The following LMF1 variants were observed in gnomAD, a reference collection of about 807,000 sequenced individuals.
The protein encoded by LMF1 is transmembrane protein 112.
In LMF1, 68 loss-of-function variants were observed where a neutral mutation model predicts 60.6. The ratio of observed to expected loss-of-function variants is 1.12; its 90% CI spans 0.92 to 1.37. The LOEUF is 1.37. Ranked by LOEUF, LMF1 falls within the 40% of genes most tolerant of loss-of-function variation. LMF1 has a pLI of 0.00. For synonymous variants in LMF1, 418 were observed against 324.7 expected (o/e 1.29, Z -3.09); for missense variants, 948 against 767.2 (o/e 1.24, Z -2.78).
intron 6 of LMF1, among the ~76,000 whole-genome samples, chr16:877,681 G>C (rs116322368): frequency 6.6e-6 from 1 of 152,152 alleles, no homozygotes; most frequent in Admixed American, 6.5e-5. Context: ...GGCAGTGCGC[G>C]GGGTGGCGGG....
At chr16:973,871 A>G (rs559368877), upstream of LMF1, among the ~76,000 whole-genome samples, 4 of 151,954 alleles carry the variant, frequency 2.6e-5, no homozygotes, top group African/African-American at 4.8e-5. Flanking sequence ...TTAGCCGGGC[A>G]TGGTGGCGGG....
At position 878,611 on chromosome 16, in the gene LMF1, G is replaced by A. The variant is rs1442845087; in HGVS notation, c.897+959C>T. Among the ~76,000 whole-genome samples the A allele has an allele frequency of 3.3e-5, 5 of 152,172 alleles. No homozygotes were observed. Among genetic ancestry groups the A allele is most frequent in the African/African-American group, 7.2e-5 (3 of 41,408 alleles). On this transcript the variant is annotated intron_variant, in intron 6 of 10. Transcript: ENST00000262301. This position sits in a 1 kb window ranked among gnomAD's most constrained non-coding sequence, Gnocchi z 5.2. Reference sequence around the variant, plus strand: ...GGTGAACCGACCGCAGGCACGCACCGTGAAACAGGACCCGGCCAACAACCA... The same window carrying A: ...GGTGAACCGACCGCAGGCACGCACCATGAAACAGGACCCGGCCAACAACCA...
chr16:910,988 T>C lies in LMF1; in HGVS notation c.606A>G (p.Thr202=). The change falls in exon 4 of 11, where the codon ACA becomes ACG. Residue 202 remains threonine (T), a synonymous_variant. Transcript: ENST00000262301. ...TLSRLPQHTP[T]SRIVLWGFRW... ...GGAAGCCCCACAGGACAATCCGGGA[T>C]GTGGGGGTATGCTGGGGCAGCCTTG... The C allele has an allele frequency of 3.1e-6, 5 of 1,613,060 alleles. No homozygotes were observed. Among genetic ancestry groups the C allele is most frequent in the Non-Finnish European group, 4.2e-6 (5 of 1,179,886 alleles).
intron 2 of LMF1, chr16:952,460 C>G (rs2151470867): frequency 6.6e-6 from 1 of 152,362 alleles, no homozygotes; most frequent in South Asian, 2.1e-4. Flanking sequence ...GCAGAGCATT[C>G]AGGCTCCCGG....
Position 910,956 on chromosome 16 carries a change from A to G in LMF1, c.638T>C (p.Leu213Pro). ...TGCTCCAAGCATGATCCTGAAGATC[A>G]GCCACCGGAAGCCCCACAGGACAAT... is the stretch of plus-strand genomic sequence containing the variant. ...SRIVLWGFRW[L>P]IFRIMLGAGL... Residue 213 changes from leucine to proline, a missense_variant, in exon 4 of 11, where the codon CTG (leucine) becomes CCG (proline). Transcript: ENST00000262301. 6.2e-7 allele frequency: 1 copy of G among 1,612,986 alleles called. No homozygotes were observed. The highest frequency in any genetic ancestry group is 8.5e-7 in the Non-Finnish European group (1 of 1,179,868).
At chr16:976,952 A>G (rs1459500214) in intron 1 of LMF1, 1 of 453,810 alleles carries the variant, frequency 2.2e-6, no homozygotes, top group African/African-American at 2.0e-5. Flanking sequence ...TGCGAGGTGA[A>G]GATGGGGAGG....
chr16:854,032 C>T lies in LMF1; in HGVS notation c.*500G>A. 4.4e-6 allele frequency: 2 copies of T among 454,714 alleles called. No individual in the cohort carries two copies. Among genetic ancestry groups the T allele is most frequent in the South Asian group, 3.1e-5 (2 of 64,470 alleles). 28.2% of individuals were successfully genotyped at this position (454,714 alleles called of 1,614,324 possible). A position where few individuals can be genotyped will look rare whatever the true frequency, so the allele number is the denominator to read the frequency against. ...CATCCTGGCCGGGCGTGTCCAGGTC[C>T]CTGTGGGGCGAGGGTTTGGCTGCCC... On this transcript the variant is annotated 3_prime_UTR_variant, in exon 11 of 11. Transcript: ENST00000262301.
chr16:882,105 C>CA (rs765038264), intron 5 of LMF1, among the ~76,000 whole-genome samples: 17 of 152,206 alleles, frequency 1.1e-4, no homozygotes, highest in Non-Finnish European at 1.9e-4. Flanking sequence ...AGCAGGGACA[C>CA]AGTGCGATGC....
In LMF1 at chr16:893,056, C is replaced by CG; in HGVS notation, c.679dup (p.Arg227ProfsTer17). 6.4e-7 allele frequency: 1 copy of CG among 1,554,108 alleles called. No individual in the cohort carries two copies. Among genetic ancestry groups the CG allele is most frequent in the African/African-American group, 1.4e-5 (1 of 73,278 alleles). On this transcript the variant is annotated frameshift_variant, in exon 5 of 11. Coordinates refer to ENST00000262301, the MANE Select transcript of LMF1 (RefSeq NM_022773.4). LOFTEE classifies it high-confidence loss of function. ...GAGGTCTCGCCAGCACCGGTCCCCC[C>CG]GGATCTTGATCAGGCCCTGCAAGGA...
intron 5 of LMF1, among the ~76,000 whole-genome samples, chr16:888,087 A>G (rs2070364553): frequency 6.6e-6 from 1 of 152,160 alleles, no homozygotes; most frequent in East Asian, 1.9e-4. Flanking sequence ...CCTTCGGCGG[A>G]CGGAATTGTA....
chr16:871,678 AG>A (rs1191529517), intron 6 of LMF1: 1 of 262,824 alleles, frequency 3.8e-6, no homozygotes, highest in Non-Finnish European at 7.3e-6. Flanking sequence ...TCACTTTCAG[AG>A]GGCACCTGCC....
chr16:854,108 A>G lies in LMF1; in HGVS notation c.*424T>C, dbSNP rs1317401095. On this transcript the variant is annotated 3_prime_UTR_variant, in exon 11 of 11. Coordinates refer to ENST00000262301, the MANE Select transcript of LMF1 (RefSeq NM_022773.4). ...AGGGTCAGGACCTGGCTGGGAACAC[A>G]CCATTGAAGAGGGAACAGAAACCAG... The G allele has an allele frequency of 2.2e-6, 1 of 460,112 alleles. No individual in the cohort carries two copies. Among genetic ancestry groups the G allele is most frequent in the East Asian group, 6.8e-5 (1 of 14,722 alleles). 28.5% of individuals were successfully genotyped at this position (460,112 alleles called of 1,614,324 possible).
At chr16:907,695 C>T (rs1346763306) in intron 4 of LMF1, among the ~76,000 whole-genome samples, 6 of 152,288 alleles carry the variant, frequency 3.9e-5, no homozygotes, top group East Asian at 1.9e-4. Flanking sequence ...AAGGGGTGTG[C>T]GTGCCTTCCT....
At chr16:972,326 A>G (rs3809671), upstream of LMF1, among the ~76,000 whole-genome samples, 69,613 of 152,182 alleles carry the variant, frequency 0.46, 17,472 homozygotes, top group African/African-American at 0.67. Context: ...GTACGAACAC[A>G]CAAACATCCT....
chr16:861,692 C>G (rs1285096926), intron 10 of LMF1, among the ~76,000 whole-genome samples: 2 of 152,162 alleles, frequency 1.3e-5, no homozygotes, highest in Admixed American at 1.3e-4. Flanking sequence ...TGGTGGATAC[C>G]TTGGGATTTC....
chr16:973,696 C>T (rs1211414139), upstream of LMF1, among the ~76,000 whole-genome samples: 4 of 152,180 alleles, frequency 2.6e-5, no homozygotes, highest in Non-Finnish European at 5.9e-5. Context: ...AATTTCGCCT[C>T]GAATTTTAGA....
intron 4 of LMF1, among the ~76,000 whole-genome samples, chr16:910,722 T>C (rs1299285694): frequency 6.6e-6 from 1 of 152,042 alleles, no homozygotes; most frequent in African/African-American, 2.4e-5. Context: ...ACAGGGATCA[T>C]GAGCATGCCC....
intron 2 of LMF1, among the ~76,000 whole-genome samples, chr16:948,303 G>A (rs649996): frequency 6.6e-6 from 1 of 151,374 alleles, no homozygotes; most frequent in Non-Finnish European, 1.5e-5. Context: ...GCCAACGACA[G>A]AGTCAGCCAA....
chr16:976,910 C>T (rs553256), intron 1 of LMF1: 10 of 453,998 alleles, frequency 2.2e-5, no homozygotes, highest in Admixed American at 2.3e-5. Context: ...CGCGGGTTCA[C>T]GGATCAGGAG....
Sources: allele counts gnomAD v4.1 joint callset (sites outside exome capture counted in the v4.1 genomes callset), GRCh38; gene constraint gnomAD v4.1.1; non-coding constraint Gnocchi (gnomAD v3.1); transcripts MANE v1.5; gene names NCBI Gene and HGNC (gene_info 2026-07-23, HGNC 2026-07-21).